The following PHYHIP variants were observed in gnomAD, a reference collection of about 807,000 sequenced individuals.
The protein encoded by PHYHIP is phytanoyl-CoA 2-hydroxylase interacting protein.
Under a neutral mutation model 26.1 loss-of-function variants are expected in PHYHIP, and 7 were observed. The ratio of observed to expected loss-of-function variants is 0.27; its 90% CI spans 0.15 to 0.50. The LOEUF (loss-of-function observed/expected upper bound fraction) is 0.50. PHYHIP is among the 20% of genes least tolerant of loss of function. PHYHIP has a pLI of 0.98. For synonymous variants in PHYHIP, 206 were observed against 183.4 expected (o/e 1.12, Z -1.00); for missense variants, 232 against 454.7 (o/e 0.51, Z 4.45).
chr8:22,230,201 TCA>T (rs1338870826), intron 1 of PHYHIP, among the ~76,000 whole-genome samples: 1 of 151,274 alleles, frequency 6.6e-6, no homozygotes, highest in Non-Finnish European at 1.5e-5. Flanking sequence ...CATGTGCCCC[TCA>T]CACACACACA....
Position 22,221,917 on chromosome 8 carries a change from G to T in PHYHIP, c.459-30C>A. ...CCACCCCAGGGAGACACACCAAAGG[G>T]AAGAGAAGATGTGGCTGGTGAGCCG... On this transcript the variant is annotated intron_variant, in intron 4 of 4. Coordinates refer to ENST00000454243, the MANE Select transcript of PHYHIP (RefSeq NM_014759.5). The surrounding 1 kb of genome is among the most constrained non-coding windows in gnomAD (Gnocchi z 7.9). The T allele has an allele frequency of 6.8e-7, 1 of 1,469,758 alleles. No homozygotes were observed. Among genetic ancestry groups the T allele is most frequent in the Non-Finnish European group, 9.0e-7 (1 of 1,107,982 alleles). The allele number at this position is 1,469,758 out of a possible 1,614,324, so 91.0% of individuals were successfully genotyped here.
At chr8:22,224,818 G>A (rs1829710149) in intron 3 of PHYHIP, among the ~76,000 whole-genome samples, 1 of 152,338 alleles carries the variant, frequency 6.6e-6, no homozygotes, top group African/African-American at 2.4e-5. Flanking sequence ...GACGGCTCGT[G>A]AGGGTCTAGG....
At chr8:22,227,773 C>T (rs1208743432) in intron 2 of PHYHIP, 4 of 456,716 alleles carry the variant, frequency 8.8e-6, no homozygotes, top group African/African-American at 8.0e-5. Context: ...CCCGTGTGGC[C>T]CACCCAGCCA....
intron 3 of PHYHIP, among the ~76,000 whole-genome samples, chr8:22,226,563 T>A (rs183586098): frequency 6.6e-6 from 1 of 152,320 alleles, no homozygotes. Flanking sequence ...AAAAGATGCC[T>A]GTGATCTGGT....
chr8:22,225,247 T>G (rs1006641233), intron 3 of PHYHIP, among the ~76,000 whole-genome samples: 1 of 152,012 alleles, frequency 6.6e-6, no homozygotes. Flanking sequence ...TCCCAGCACT[T>G]TGGGATCACT....
chr8:22,225,177 T>C (rs925049023), intron 3 of PHYHIP, among the ~76,000 whole-genome samples: 2 of 151,672 alleles, frequency 1.3e-5, no homozygotes, highest in Admixed American at 6.6e-5. Context: ...GAGAGTGGGG[T>C]TCTGCAGCAG....
intron 4 of PHYHIP, chr8:22,223,920 G>A (rs73670388): frequency 3.5e-6 from 1 of 284,140 alleles, no homozygotes. Flanking sequence ...AGAGACCTGT[G>A]GTGGTAGACC....
intron 4 of PHYHIP, among the ~76,000 whole-genome samples, chr8:22,223,454 G>A (rs980090308): frequency 3.3e-5 from 5 of 151,924 alleles, no homozygotes; most frequent in Non-Finnish European, 7.4e-5. Flanking sequence ...CAGGCCCGGG[G>A]ATGGTGGGTA....
At chr8:22,231,412 G>A (rs1428147716) in intron 1 of PHYHIP, among the ~76,000 whole-genome samples, 3 of 152,178 alleles carry the variant, frequency 2.0e-5, no homozygotes, top group Non-Finnish European at 2.9e-5. Context: ...GCATGACTGC[G>A]GACAGACGGA....
intron 1 of PHYHIP, 119 bp downstream of exon 1, chr8:22,231,677 A>C (rs1323792704): frequency 1.3e-5 from 2 of 152,250 alleles, no homozygotes; most frequent in Non-Finnish European, 2.9e-5. Flanking sequence ...GAGAGGGGAC[A>C]AGGTCGTCAG....
At position 22,222,039 on chromosome 8, in the gene PHYHIP, T is replaced by C. The variant is rs1829641865; in HGVS notation, c.459-152A>G. 4 of 635,332 alleles carry C rather than the reference T, an allele frequency of 6.3e-6. No homozygotes were observed. In the East Asian group the frequency reaches 8.3e-5, roughly 13 times the overall value. 39.4% of individuals were successfully genotyped at this position (635,332 alleles called of 1,614,324 possible). On this transcript the variant is annotated intron_variant, in intron 4 of 4. Coordinates refer to ENST00000454243, the MANE Select transcript of PHYHIP (RefSeq NM_014759.5). ...GCCTCCACTAGTCGCAAATAGAACA[T>C]TCCAGAATGCAAGAGCAGGGAGGGC...
intron 3 of PHYHIP, among the ~76,000 whole-genome samples, chr8:22,226,577 A>C (rs1829749632): frequency 6.6e-6 from 1 of 152,206 alleles, no homozygotes; most frequent in Admixed American, 6.5e-5. Context: ...ATCTGGTACC[A>C]AGCCCGAAAA....
rs375354755 is a variant in PHYHIP at position 22,224,222 on chromosome 8, A to G, written c.458+4T>C. 4.4e-6 allele frequency: 7 copies of G among 1,575,976 alleles called. No individual in the cohort carries two copies. Among genetic ancestry groups the G allele is most frequent in the Non-Finnish European group, 5.2e-6 (6 of 1,146,280 alleles). ...CGGGTCCAGCCGGGAGCCCGCGCCC[A>G]TACCTGGCATGCTGGAAGTACTCCT... On this transcript the variant is annotated splice_donor_region_variant and intron_variant, in intron 4 of 4. Coordinates refer to ENST00000454243, the MANE Select transcript of PHYHIP (RefSeq NM_014759.5).
chr8:22,227,595 G>A (rs1191777461), intron 2 of PHYHIP: 3 of 456,244 alleles, frequency 6.6e-6, no homozygotes, highest in African/African-American at 4.0e-5. Context: ...GAGGATGGGG[G>A]TCTTCCTCCC....
At chr8:22,231,283 G>A (rs1362087389) in intron 1 of PHYHIP, among the ~76,000 whole-genome samples, 1 of 151,738 alleles carries the variant, frequency 6.6e-6, no homozygotes, top group Admixed American at 6.6e-5. Flanking sequence ...GCCTCATAGT[G>A]TCCCCACCCA....
At position 22,231,990 on chromosome 8, in the gene PHYHIP, C is replaced by G. The variant is rs994476631; in HGVS notation, c.-224G>C. ...CCAGCTCCTGTCTGGCTGTGCAGCG[C>G]GTCGCTGCTGCCCCTGGTGAGACGA... On this transcript the variant is annotated 5_prime_UTR_variant, in exon 1 of 5. Transcript: ENST00000454243. 3.3e-5 allele frequency: 5 copies of G among 152,878 alleles called. No homozygotes were observed. The highest frequency in any genetic ancestry group is 4.8e-5 in the African/African-American group (2 of 41,434). 9.5% of individuals were successfully genotyped at this position (152,878 alleles called of 1,614,324 possible).
intron 3 of PHYHIP, among the ~76,000 whole-genome samples, chr8:22,226,086 C>A (rs1173053787): frequency 6.6e-6 from 1 of 152,154 alleles, no homozygotes; most frequent in Non-Finnish European, 1.5e-5. Flanking sequence ...ATGGAGTCTA[C>A]AAGTTAAGTT....
intron 1 of PHYHIP, among the ~76,000 whole-genome samples, chr8:22,230,910 C>A (rs1465713762): frequency 6.6e-6 from 1 of 152,110 alleles, no homozygotes; most frequent in African/African-American, 2.4e-5. Context: ...GCCACAGGCA[C>A]CAACATGCAT....
In PHYHIP at chr8:22,221,209, C is replaced by G; in HGVS notation, c.*144G>C. Reference sequence around the variant, plus strand: ...CAAGAGGACCACCGTCTGTTGCCTCCAATGCCAAGGGGCGAGGGGAGGGCA... The same window carrying G: ...CAAGAGGACCACCGTCTGTTGCCTCGAATGCCAAGGGGCGAGGGGAGGGCA... On this transcript the variant is annotated 3_prime_UTR_variant, in exon 5 of 5. Coordinates refer to ENST00000454243, the MANE Select transcript of PHYHIP (RefSeq NM_014759.5). This position sits in a 1 kb window ranked among gnomAD's most constrained non-coding sequence, Gnocchi z 7.9. 2 of 764,526 alleles carry G rather than the reference C, an allele frequency of 2.6e-6. No homozygotes were observed. The highest frequency in any genetic ancestry group is 4.1e-6 in the Non-Finnish European group (2 of 493,820). The allele number at this position is 764,526 out of a possible 1,614,324, so 47.4% of individuals were successfully genotyped here. A position where few individuals can be genotyped will look rare whatever the true frequency, so the allele number is the denominator to read the frequency against.
Sources: allele counts gnomAD v4.1 joint callset (sites outside exome capture counted in the v4.1 genomes callset), GRCh38; gene constraint gnomAD v4.1.1; non-coding constraint Gnocchi (gnomAD v3.1); transcripts MANE v1.5; gene names NCBI Gene and HGNC (gene_info 2026-07-23, HGNC 2026-07-21).